LARS1: variants seen among roughly 807,000 people sequenced by gnomAD.
The protein encoded by LARS1 is leucyl-tRNA synthetase 1.
Under a neutral mutation model 162.8 loss-of-function variants are expected in LARS1, and 100 were observed. That is an observed-to-expected ratio of 0.61 (90% CI 0.52 to 0.73). LARS1 has a LOEUF of 0.73. Among genes scored for constraint, LARS1 ranks in the 30% least tolerant of loss-of-function variants. The probability of loss-of-function intolerance (pLI) is 0.00; values close to 1 mark genes in which losing one functional copy is unlikely to be tolerated. For missense variants in LARS1, 1,258 were observed against 1,408.9 expected (o/e 0.89, Z 1.71); for synonymous variants, 457 against 462.8 (o/e 0.99, Z 0.16).
chr5:146,166,032 G>A (rs1753989880), intron 5 of LARS1, among the ~76,000 whole-genome samples: 1 of 152,140 alleles, frequency 6.6e-6, no homozygotes, highest in East Asian at 1.9e-4. Context: ...GTGTATGCAT[G>A]GCTTAGCAGA....
chr5:146,155,975 T>C (rs1753507432), intron 10 of LARS1, among the ~76,000 whole-genome samples: 2 of 152,190 alleles, frequency 1.3e-5, no homozygotes, highest in African/African-American at 2.4e-5. Flanking sequence ...AATGAAATAC[T>C]ATGTAGCTAT....
intron 1 of LARS1, among the ~76,000 whole-genome samples, chr5:146,178,341 C>T (rs1238725428): frequency 1.3e-5 from 2 of 151,996 alleles, no homozygotes; most frequent in African/African-American, 2.4e-5. Context: ...AGGCTGGACA[C>T]GGTGGCTCAC....
intron 1 of LARS1, among the ~76,000 whole-genome samples, chr5:146,181,705 CT>C (rs1432584196): frequency 6.6e-6 from 1 of 151,948 alleles, no homozygotes; most frequent in East Asian, 1.9e-4. Flanking sequence ...CGTACACTCC[CT>C]AGCACCCCTT....
Position 146,131,498 on chromosome 5 carries a change from T to G in LARS1, c.2397-389A>C, listed in dbSNP as rs868731361. On this transcript the variant is annotated intron_variant, in intron 23 of 31. Transcript: ENST00000394434. ...AGGTTGTAGCCAAGTTTTTTTTTTT[T>G]TTTTTTTTTTTTTTTGAGACAGGGT... 354 of 148,086 alleles carry G rather than the reference T, an allele frequency of 2.4e-3. 12 individuals are homozygous for G. Among genetic ancestry groups the G allele is most frequent in the South Asian group, 3.2e-3 (15 of 4,618 alleles). 9.2% of individuals were successfully genotyped at this position (148,086 alleles called of 1,614,324 possible).
chr5:146,176,294 A>G (rs1241925225), intron 2 of LARS1, among the ~76,000 whole-genome samples: 2 of 152,044 alleles, frequency 1.3e-5, no homozygotes, highest in African/African-American at 2.4e-5. Context: ...TCTACTAAAA[A>G]TACAAAAATT....
At chr5:146,170,848 C>G (rs1278239112) in intron 4 of LARS1, among the ~76,000 whole-genome samples, 1 of 149,176 alleles carries the variant, frequency 6.7e-6, no homozygotes. Context: ...TACAACACTG[C>G]ACTCCAGCCT....
rs746121910 is a variant in LARS1 at position 146,153,175 on chromosome 5, G to A, written c.1283C>T (p.Pro428Leu). 2.1e-5 allele frequency: 34 copies of A among 1,610,432 alleles called. No homozygotes were observed. The highest frequency in any genetic ancestry group is 6.7e-5 in the African/African-American group (5 of 74,928). ...IRDDMVLPFE[P>L]VPVIEIPGFG... is the part of the protein sequence containing the mutation. ...ATTCTGAATTATCTATGTACTCACC[G>A]GCTCAAATGGCAAGACCATGTCATC... is the stretch of plus-strand genomic sequence containing the variant. The change falls in exon 13 of 32, where the codon CCG (proline) becomes CTG (leucine). Residue 428 changes from proline (P) to leucine (L), a missense_variant and splice_region_variant. Transcript: ENST00000394434.
At chr5:146,166,843 T>G (rs1176931361) in intron 5 of LARS1, among the ~76,000 whole-genome samples, 3 of 100,492 alleles carry the variant, frequency 3.0e-5, no homozygotes, top group Non-Finnish European at 6.8e-5. Context: ...CCAAAATATA[T>G]ATTAATTATT....
chr5:146,129,093 C>G lies in LARS1; in HGVS notation c.2654G>C (p.Trp885Ser). 6.3e-7 allele frequency: 1 copy of G among 1,593,106 alleles called. No homozygotes were observed. Among genetic ancestry groups the G allele is most frequent in the Non-Finnish European group, 8.5e-7 (1 of 1,172,614 alleles). The change falls in exon 26 of 32, where the codon TGG (tryptophan) becomes TCG (serine). Residue 885 changes from tryptophan (W) to serine (S), a missense_variant. Coordinates refer to ENST00000394434, the MANE Select transcript of LARS1 (RefSeq NM_020117.11). ...GKPDSIMNASWPVAGPVNEVL... is the reference protein window; with the variant it reads ...GKPDSIMNASSPVAGPVNEVL... The stretch of plus-strand genomic sequence containing the variant: ...TTCATTAACAGGACCTGCCACAGGC[C>G]ATGAAGCATTCATAATTGAGTCAGG...
chr5:146,172,786 C>T lies in LARS1; in HGVS notation c.126-12G>A. On this transcript the variant is annotated splice_polypyrimidine_tract_variant and intron_variant, in intron 2 of 31. Transcript: ENST00000394434. Reference sequence around the variant, plus strand: ...AATACTTGCCCTTGCTGCAAAACAACAGTATAAAAAAGAAAGTACAGAAGA... The same window carrying T: ...AATACTTGCCCTTGCTGCAAAACAATAGTATAAAAAAGAAAGTACAGAAGA... 6.8e-7 allele frequency: 1 copy of T among 1,471,152 alleles called. No homozygotes were observed. Among genetic ancestry groups the T allele is most frequent in the Non-Finnish European group, 9.2e-7 (1 of 1,084,872 alleles). 91.1% of individuals were successfully genotyped at this position (1,471,152 alleles called of 1,614,324 possible). A position where few individuals can be genotyped will look rare whatever the true frequency, so the allele number is the denominator to read the frequency against.
chr5:146,126,568 G>A (rs775934086), intron 27 of LARS1, 23 bp from the exon 28 acceptor site: 6 of 1,520,098 alleles, frequency 3.9e-6, no homozygotes, highest in Admixed American at 3.4e-5. Flanking sequence ...AGGAGGGAGA[G>A]TAATGTAGAA....
chr5:146,143,051 A>G lies in LARS1; in HGVS notation c.1911T>C (p.Tyr637=), dbSNP rs762997362. 3 of 1,613,682 alleles carry G rather than the reference A, an allele frequency of 1.9e-6. No homozygotes were observed. The East Asian group carries it at 6.7e-5, about 36-fold the overall frequency. Residue 637 remains tyrosine (Y), a synonymous_variant, in exon 20 of 32, where the codon TAT becomes TAC. Coordinates refer to ENST00000394434, the MANE Select transcript of LARS1 (RefSeq NM_020117.11). ...GAAATGGAGCCTCCTTGAAGAAAACATAATCCCAAACTTCCTTGGTCATCT... is the reference window on the plus strand; with the variant it reads ...GAAATGGAGCCTCCTTGAAGAAAACGTAATCCCAAACTTCCTTGGTCATCT... ...PQQMTKEVWD[Y]VFFKEAPFPK... is the part of the protein sequence containing the mutation.
intron 20 of LARS1, 44 bp downstream of exon 20, chr5:146,142,828 A>G (rs1452928696): frequency 1.4e-6 from 2 of 1,460,628 alleles, no homozygotes; most frequent in Non-Finnish European, 1.9e-6. Flanking sequence ...AGACACCCCT[A>G]TTGACAATCA....
rs2126555587 is a variant in LARS1 at position 146,164,232 on chromosome 5, G to GAAAGCACAATAAAGC, written c.594+63_594+77dup. The GAAAGCACAATAAAGC allele has an allele frequency of 3.0e-6, 4 of 1,343,876 alleles. No homozygotes were observed. The South Asian group carries it at 5.1e-5, about 17-fold the overall frequency. The allele number at this position is 1,343,876 out of a possible 1,614,324, so 83.2% of individuals were successfully genotyped here. Reference sequence around the variant, plus strand: ...CAATTGTAAAAAAAATCCATGTCTGGAAAGCACAATAAAGCAAAGCACAAT... The same window carrying GAAAGCACAATAAAGC: ...CAATTGTAAAAAAAATCCATGTCTGGAAAGCACAATAAAGCAAAGCACAATAAAGCAAAGCACAAT... On this transcript the variant is annotated intron_variant, in intron 6 of 31. Transcript: ENST00000394434.
intron 31 of LARS1, among the ~76,000 whole-genome samples, chr5:146,115,057 A>AC (rs1168047192): frequency 6.6e-5 from 10 of 150,654 alleles, no homozygotes; most frequent in African/African-American, 2.5e-4. Flanking sequence ...AAAAAAAAAA[A>AC]AAAAAAAAAA....
chr5:146,177,232 C>T lies in LARS1; in HGVS notation c.125+315G>A, dbSNP rs545539209. 7.2e-5 allele frequency among the ~76,000 whole-genome samples: 11 copies of T among 151,854 alleles called. No homozygotes were observed. The East Asian group carries it at 7.7e-4, about 11-fold the overall frequency. On this transcript the variant is annotated intron_variant, in intron 2 of 31. Coordinates refer to ENST00000394434, the MANE Select transcript of LARS1 (RefSeq NM_020117.11). ...CTGTAATCCCAGGACTTTGGGAGGC[C>T]GAGGCGGGTGGATCACGAGGTCAGA...
chr5:146,169,758 A>G (rs1402197072), intron 4 of LARS1, among the ~76,000 whole-genome samples: 2 of 152,064 alleles, frequency 1.3e-5, no homozygotes, highest in East Asian at 3.9e-4. Flanking sequence ...CACGTTGGCC[A>G]GGCTGGTTTT....
At chr5:146,154,473 C>T (rs1753432888) in intron 10 of LARS1, among the ~76,000 whole-genome samples, 1 of 152,204 alleles carries the variant, frequency 6.6e-6, no homozygotes, top group Non-Finnish European at 1.5e-5. Context: ...AATACAATTT[C>T]TGTCAATTAA....
At chr5:146,134,697 C>T (rs1162852561) in intron 22 of LARS1, among the ~76,000 whole-genome samples, 1 of 152,186 alleles carries the variant, frequency 6.6e-6, no homozygotes, top group African/African-American at 2.4e-5. Context: ...GCCTATAATC[C>T]CAGCACTTTG....
Sources: gnomAD v4.1 joint callset for allele counts (sites outside exome capture counted in the v4.1 genomes callset) on GRCh38, gnomAD v4.1.1 for gene constraint, MANE v1.5 for transcripts, NCBI Gene and HGNC (gene_info 2026-07-23, HGNC 2026-07-21) for gene names.